Variants in PIK3CB observed in about 807,000 individuals in gnomAD.
PIK3CB encodes phosphatidylinositol-4,5-bisphosphate 3-kinase catalytic subunit beta.
PIK3CB carries 39 observed loss-of-function variants against 136.8 expected under a neutral mutation model. The observed-to-expected ratio is 0.29, with a 90% CI of 0.22 to 0.37. The LOEUF (loss-of-function observed/expected upper bound fraction) is 0.37. PIK3CB is among the 10% of genes least tolerant of loss of function. The pLI is 1.00. For synonymous variants in PIK3CB, 428 were observed against 436.6 expected, an observed-to-expected ratio of 0.98 and a Z score of 0.25; for missense variants, 868 against 1,275.4, an observed-to-expected ratio of 0.68 and a Z score of 4.87.
At chr3:138,727,992 C>T (rs553950989) in intron 8 of PIK3CB, among the ~76,000 whole-genome samples, 90 of 152,100 alleles carry the variant, frequency 5.9e-4, no homozygotes, top group Admixed American at 4.1e-3. Context: ...CTCCTGACCT[C>T]GAGATCCGCC....
At chr3:138,763,173 C>T (rs911014066) in intron 2 of PIK3CB, among the ~76,000 whole-genome samples, 2 of 102,774 alleles carry the variant, frequency 1.9e-5, no homozygotes, top group East Asian at 1.4e-3. Flanking sequence ...GAGTCTCATT[C>T]TGTCACCCAG....
rs750266271 is a variant in PIK3CB at position 138,742,649 on chromosome 3, G to A, written c.530C>T (p.Pro177Leu). 3.7e-6 allele frequency: 6 copies of A among 1,608,552 alleles called. No individual in the cohort carries two copies. The highest frequency in any genetic ancestry group is 1.7e-4 in the Middle Eastern group (1 of 6,052). The stretch of plus-strand genomic sequence containing the variant: ...AGGGATGGATGGTTCATGCTCTGGT[G>A]GATATGTTTGTTTTAGCCAGTCCAT... ...SWMDWLKQTY[P>L]PEHEPSIPEN... The change falls in exon 5 of 24, where the codon CCA becomes CTA. Residue 177 changes from proline (P) to leucine (L), a missense_variant. Coordinates refer to ENST00000674063, the MANE Select transcript of PIK3CB (RefSeq NM_006219.3).
Position 138,754,411 on chromosome 3 carries a change from T to C in PIK3CB, c.397+1343A>G, listed in dbSNP as rs2045527356. ...GAGCCATGATCGTACCACTGCACTC[T>C]AGCCTGGGCAACAGGGCGAGACCTT... On this transcript the variant is annotated intron_variant, in intron 4 of 23. Coordinates refer to ENST00000674063, the MANE Select transcript of PIK3CB (RefSeq NM_006219.3). Among the ~76,000 whole-genome samples the C allele has an allele frequency of 3.3e-5, 5 of 152,022 alleles. No homozygotes were observed. The South Asian group carries it at 1.0e-3, about 32-fold the overall frequency.
chr3:138,665,338 T>C (rs1423360566), intron 19 of PIK3CB, 135 bp from the exon 20 acceptor site: 12 of 553,420 alleles, frequency 2.2e-5, no homozygotes, highest in Non-Finnish European at 5.9e-6. Context: ...TATTGTCATA[T>C]GGAAAAACAC....
At chr3:138,727,303 T>C (rs574008203) in intron 8 of PIK3CB, among the ~76,000 whole-genome samples, 2 of 152,366 alleles carry the variant, frequency 1.3e-5, no homozygotes, top group African/African-American at 4.8e-5. Context: ...TATATGATAC[T>C]GTCAGCTTTA....
In PIK3CB at chr3:138,792,260, T is replaced by C. The variant is rs1346465839; in HGVS notation, c.-17+4203A>G. The stretch of plus-strand genomic sequence containing the variant: ...GGTTCTGTTGTGCCTGTACTAAACA[T>C]GTACAGACTTTTTTCTATTGTCATT... On this transcript the variant is annotated intron_variant, in intron 2 of 23. Transcript: ENST00000674063. Among the ~76,000 whole-genome samples, 3 of 152,314 alleles carry C rather than the reference T, an allele frequency of 2.0e-5. No homozygotes were observed. In the East Asian group the frequency reaches 5.8e-4, roughly 29 times the overall value.
At chr3:138,775,867 T>TTTCAAATATAACA (rs143783327) in intron 2 of PIK3CB, among the ~76,000 whole-genome samples, 1,995 of 152,254 alleles carry the variant, frequency 0.013, 43 homozygotes, top group Middle Eastern at 0.048. Flanking sequence ...TTATATTTCG[T>TTTCAAATATAACA]TTCAAAACCC....
chr3:138,784,884 A>T (rs2045959520), intron 2 of PIK3CB, among the ~76,000 whole-genome samples: 2 of 144,546 alleles, frequency 1.4e-5, no homozygotes, highest in South Asian at 4.5e-4. Flanking sequence ...CTCCCTGGCC[A>T]CCCATGGTCT....
intron 12 of PIK3CB, among the ~76,000 whole-genome samples, chr3:138,700,565 A>G (rs1185667444): frequency 6.6e-6 from 1 of 151,868 alleles, no homozygotes; most frequent in Admixed American, 6.6e-5. Flanking sequence ...TCCATCTCCT[A>G]TAAGTTAAAA....
intron 1 of PIK3CB, among the ~76,000 whole-genome samples, chr3:138,822,230 G>A (rs1933589317): frequency 6.6e-6 from 1 of 151,416 alleles, no homozygotes; most frequent in Non-Finnish European, 1.5e-5. Context: ...TATGGAACTT[G>A]ACTTTTGAAA....
intron 8 of PIK3CB, among the ~76,000 whole-genome samples, chr3:138,717,407 A>G (rs111525471): frequency 2.0e-4 from 30 of 152,306 alleles, no homozygotes; most frequent in African/African-American, 6.7e-4. Flanking sequence ...AATAGCCCAG[A>G]AAGTATTATA....
chr3:138,767,442 T>C (rs1046666083), intron 2 of PIK3CB, among the ~76,000 whole-genome samples: 1 of 152,190 alleles, frequency 6.6e-6, no homozygotes, highest in Non-Finnish European at 1.5e-5. Flanking sequence ...CCTAAAATAA[T>C]TCCTACTGTT....
At chr3:138,825,623 T>C (rs559842400) in intron 1 of PIK3CB, 5 of 622,844 alleles carry the variant, frequency 8.0e-6, no homozygotes, top group Admixed American at 2.6e-5. Context: ...AGGGGAACCA[T>C]GCTACTCGAA....
At chr3:138,710,444 C>G (rs1363043703) in intron 10 of PIK3CB, among the ~76,000 whole-genome samples, 1 of 151,890 alleles carries the variant, frequency 6.6e-6, no homozygotes, top group Non-Finnish European at 1.5e-5. Context: ...TTAAAAAATT[C>G]AAATTCAAAT....
chr3:138,681,733 A>T (rs1039387624), intron 19 of PIK3CB, among the ~76,000 whole-genome samples: 2 of 152,230 alleles, frequency 1.3e-5, no homozygotes, highest in African/African-American at 4.8e-5. Context: ...TCCAAACCTT[A>T]TTAAAGTTCA....
intron 1 of PIK3CB, chr3:138,825,083 TAC>T (rs890769698): frequency 7.9e-6 from 2 of 253,986 alleles, no homozygotes; most frequent in Non-Finnish European, 1.5e-5. Flanking sequence ...AGAAGGCAGC[TAC>T]AGAGATGGGA....
intron 18 of PIK3CB, among the ~76,000 whole-genome samples, chr3:138,682,451 T>C (rs2043801435): frequency 6.6e-6 from 1 of 152,202 alleles, no homozygotes; most frequent in African/African-American, 2.4e-5. Flanking sequence ...TCCGAGAGGA[T>C]AACACATGGG....
chr3:138,738,329 G>C (rs1171346119), intron 5 of PIK3CB, among the ~76,000 whole-genome samples: 1 of 151,986 alleles, frequency 6.6e-6, no homozygotes, highest in Non-Finnish European at 1.5e-5. Context: ...GCACCACCAC[G>C]CCTGGCTAAT....
chr3:138,767,545 C>T (rs1419674631), intron 2 of PIK3CB, among the ~76,000 whole-genome samples: 1 of 152,224 alleles, frequency 6.6e-6, no homozygotes, highest in Non-Finnish European at 1.5e-5. Flanking sequence ...TAGGCTCAGT[C>T]TGCCCACTTG....
Sources: allele counts gnomAD v4.1 joint callset (sites outside exome capture counted in the v4.1 genomes callset), GRCh38; gene constraint gnomAD v4.1.1; transcripts MANE v1.5; gene names NCBI Gene and HGNC (gene_info 2026-07-23, HGNC 2026-07-21).